SUFU: variants seen among roughly 807,000 people sequenced by gnomAD.
SUFU encodes the protein suppressor of fused homolog.
SUFU carries 7 observed loss-of-function variants against 58.9 expected under a neutral mutation model. That is an observed-to-expected ratio of 0.12 (90% confidence interval 0.07 to 0.22). SUFU has a LOEUF of 0.22. Ranked by LOEUF, SUFU falls within the 10% of genes least tolerant of loss-of-function variation. The pLI is 1.00. For synonymous variants in SUFU, 232 were observed against 254.8 expected, an observed-to-expected ratio of 0.91 and a Z score of 0.85; for missense variants, 451 against 641.3, an observed-to-expected ratio of 0.70 and a Z score of 3.20.
chr10:102,514,536 C>G (rs2135639682), intron 2 of SUFU, among the ~76,000 whole-genome samples: 1 of 152,332 alleles, frequency 6.6e-6, no homozygotes, highest in Middle Eastern at 3.4e-3. Context: ...TGGGCAGCCA[C>G]AGGAGAGAAC....
intron 3 of SUFU, among the ~76,000 whole-genome samples, chr10:102,550,761 G>T (rs542234923): frequency 7.7e-6 from 1 of 129,216 alleles, no homozygotes. Flanking sequence ...TTTTTTTTGA[G>T]ATGGAGTTTT....
chr10:102,540,871 A>T (rs996661530), intron 2 of SUFU, among the ~76,000 whole-genome samples: 22 of 150,980 alleles, frequency 1.5e-4, no homozygotes, highest in Admixed American at 2.6e-4. Flanking sequence ...AAAATACAAA[A>T]ATTAGCTGGC....
chr10:102,503,505 G>A (rs1460112954), upstream of SUFU, among the ~76,000 whole-genome samples: 2 of 152,124 alleles, frequency 1.3e-5, no homozygotes, highest in East Asian at 3.8e-4. Flanking sequence ...TTTCAAATGA[G>A]CCCAGTGCAT....
chr10:102,629,710 C>T lies in SUFU; in HGVS notation c.1366-356C>T, dbSNP rs1371245434. On this transcript the variant is annotated intron_variant, in intron 11 of 11. Coordinates refer to ENST00000369902, the MANE Select transcript of SUFU (RefSeq NM_016169.4). This position sits in a 1 kb window ranked among gnomAD's most constrained non-coding sequence, Gnocchi z 4.7. The stretch of plus-strand genomic sequence containing the variant: ...TCCCCATAGCCTCCAGACCCTCCCC[C>T]AGCCCCCATCCTCCAGCCCCAGGGC... 6.6e-6 allele frequency among the ~76,000 whole-genome samples: 1 copy of T among 152,196 alleles called. No individual in the cohort carries two copies. Among genetic ancestry groups the T allele is most frequent in the African/African-American group, 2.4e-5 (1 of 41,440 alleles).
intron 2 of SUFU, among the ~76,000 whole-genome samples, chr10:102,515,607 C>A (rs2033129926): frequency 6.6e-6 from 1 of 152,102 alleles, no homozygotes; most frequent in East Asian, 1.9e-4. Context: ...TGAGCCATCC[C>A]GCCTGGCCTG....
intron 2 of SUFU, among the ~76,000 whole-genome samples, chr10:102,514,395 A>T (rs2062439784): frequency 6.6e-6 from 1 of 152,108 alleles, no homozygotes. Context: ...AAGCCTTGGG[A>T]TGGCCATTTT....
chr10:102,554,995 G>A (rs954930304), intron 3 of SUFU, among the ~76,000 whole-genome samples: 4 of 152,222 alleles, frequency 2.6e-5, no homozygotes, highest in Middle Eastern at 3.4e-3. Flanking sequence ...TTGGCCGGGC[G>A]CAGTGGCTCA....
chr10:102,615,792 G>A (rs536322522), intron 9 of SUFU, among the ~76,000 whole-genome samples: 62 of 152,332 alleles, frequency 4.1e-4, no homozygotes, highest in African/African-American at 1.4e-3. Flanking sequence ...TGCATCTCCT[G>A]TCTAGCCCAG....
rs747125633 is a variant in SUFU, at chr10:102,599,516, C to G, written c.994C>G (p.Gln332Glu). 1.9e-6 allele frequency: 3 copies of G among 1,614,072 alleles called. No homozygotes were observed. The East Asian group carries it at 6.7e-5, about 36-fold the overall frequency. The change falls in exon 8 of 12, where the codon CAG (glutamine) becomes GAG (glutamate). Residue 332 changes from glutamine to glutamate, a missense_variant. Coordinates refer to ENST00000369902, the MANE Select transcript of SUFU (RefSeq NM_016169.4). ...PVLPPINPQRQNGLAHDRAPS... is the reference protein window; with the variant it reads ...PVLPPINPQRENGLAHDRAPS... Reference sequence around the variant, plus strand: ...CCTTCCACCAATCAACCCTCAGCGGCAGAATGGCCTCGCCCACGACCGGGC... The same window carrying G: ...CCTTCCACCAATCAACCCTCAGCGGGAGAATGGCCTCGCCCACGACCGGGC...
chr10:102,552,653 C>T (rs2062931662), intron 3 of SUFU, among the ~76,000 whole-genome samples: 1 of 151,960 alleles, frequency 6.6e-6, no homozygotes, highest in African/African-American at 2.4e-5. Context: ...ATGTGAAATT[C>T]CCTGGATGTG....
In SUFU at chr10:102,555,494, C is replaced by T. The variant is rs1051121767; in HGVS notation, c.454+5388C>T. ...AATATTGATACAAATAAAATTACCT[C>T]GTTTTGTACATCATATTATATAGCT... On this transcript the variant is annotated intron_variant, in intron 3 of 11. Coordinates refer to ENST00000369902, the MANE Select transcript of SUFU (RefSeq NM_016169.4). 3.9e-5 allele frequency among the ~76,000 whole-genome samples: 6 copies of T among 152,000 alleles called. No individual in the cohort carries two copies. In the South Asian group the frequency reaches 8.3e-4, roughly 21 times the overall value.
In SUFU at chr10:102,593,867, A is replaced by G; in HGVS notation, c.684-126A>G. The G allele has an allele frequency of 2.9e-6, 4 of 1,388,102 alleles. No homozygotes were observed. In the South Asian group the frequency reaches 4.7e-5, roughly 16 times the overall value. The allele number at this position is 1,388,102 out of a possible 1,614,324, so 86.0% of individuals were successfully genotyped here. ...GGGCTTCCTGACGACTCACTCCCTG[A>G]CAGTCCCTGACCACGAACTATTCCC... On this transcript the variant is annotated intron_variant, in intron 5 of 11. Transcript: ENST00000369902.
Position 102,592,698 on chromosome 10 carries a change from C to G in SUFU, c.571C>G (p.Pro191Ala). The change falls in exon 4 of 12, where the codon CCC (proline) becomes GCC (alanine). Residue 191 changes from proline to alanine, a missense_variant. Physicochemically the swap from Pro to Ala is conservative, Grantham distance 27. Transcript: ENST00000369902. ...EDPQMQPVQTPFGVVTFLQIV... is the reference protein window; with the variant it reads ...EDPQMQPVQTAFGVVTFLQIV... ...CCCACAGATGCAGCCCGTGCAGACA[C>G]CCTTTGGGGTAGTTACCTTCCTCCA... 6.2e-7 allele frequency: 1 copy of G among 1,614,170 alleles called. No individual in the cohort carries two copies. The highest frequency in any genetic ancestry group is 8.5e-7 in the Non-Finnish European group (1 of 1,180,050).
rs2063833784 is a variant in SUFU at position 102,631,139 on chromosome 10, A to C, written c.*984A>C. The C allele has an allele frequency of 4.3e-6, 1 of 233,272 alleles. No individual in the cohort carries two copies. The allele number at this position is 233,272 out of a possible 1,614,324, so 14.5% of individuals were successfully genotyped here. A position where few individuals can be genotyped will look rare whatever the true frequency, so the allele number is the denominator to read the frequency against. Reference sequence around the variant, plus strand: ...GGCCTGGGTCTCCAGCTCTGTAACCAGTCCTGTCCCATTTCCTCAGTCCCT... The same window carrying C: ...GGCCTGGGTCTCCAGCTCTGTAACCCGTCCTGTCCCATTTCCTCAGTCCCT... On this transcript the variant is annotated 3_prime_UTR_variant, in exon 12 of 12. Coordinates refer to ENST00000369902, the MANE Select transcript of SUFU (RefSeq NM_016169.4).
chr10:102,528,525 A>G (rs1354904046), intron 2 of SUFU, among the ~76,000 whole-genome samples: 3 of 152,180 alleles, frequency 2.0e-5, no homozygotes, highest in African/African-American at 7.2e-5. Context: ...AGCTGTGATC[A>G]CGGCACTACA....
intron 3 of SUFU, among the ~76,000 whole-genome samples, chr10:102,588,801 T>A (rs1158181699): frequency 6.6e-6 from 1 of 152,230 alleles, no homozygotes; most frequent in Non-Finnish European, 1.5e-5. Context: ...CTTTCAATGA[T>A]GTTTTGTAGT....
chr10:102,630,156 C>G lies in SUFU; in HGVS notation c.*1C>G, dbSNP rs1176038200. ...GGTGTTCGACAGTCCGCTACACTAG[C>G]CTGGGCTGGGCCCTGCAGTGGCCAG... On this transcript the variant is annotated 3_prime_UTR_variant, in exon 12 of 12. Transcript: ENST00000369902. 3 of 1,614,104 alleles carry G rather than the reference C, an allele frequency of 1.9e-6. No individual in the cohort carries two copies. The South Asian group carries it at 3.3e-5, about 18-fold the overall frequency.
chr10:102,612,169 T>TTGTGTGTGTGTGTGTGTGTGTGTG (rs34032732), intron 8 of SUFU, among the ~76,000 whole-genome samples: 1 of 148,230 alleles, frequency 6.7e-6, no homozygotes. Flanking sequence ...AACTGGGTTC[T>TTGTGTGTGTGTGTGTGTGTGTGTG]TGTGTGTGTG....
chr10:102,555,269 C>CA (rs57658645), intron 3 of SUFU, among the ~76,000 whole-genome samples: 180 of 78,014 alleles, frequency 2.3e-3, no homozygotes, highest in East Asian at 3.9e-3. Flanking sequence ...CTCCGTCTCA[C>CA]AAAAAAAAAA....
Sources: gnomAD v4.1 joint callset for allele counts (sites outside exome capture counted in the v4.1 genomes callset) on GRCh38, gnomAD v4.1.1 for gene constraint, Gnocchi (gnomAD v3.1) non-coding constraint, MANE v1.5 for transcripts, NCBI Gene and HGNC (gene_info 2026-07-23, HGNC 2026-07-21) for gene names.